Variants in PTX3 observed in about 807,000 individuals in gnomAD.
PTX3 encodes pentraxin 3.
A neutral mutation model predicts 23.5 loss-of-function variants in PTX3; 24 were observed. The ratio of observed to expected loss-of-function variants is 1.02; its 90% CI spans 0.74 to 1.43. The LOEUF is 1.43. Among genes scored for constraint, PTX3 ranks in the 40% most tolerant of loss-of-function variants. PTX3 has a pLI of 0.00. For missense variants in PTX3, 510 were observed against 497.5 expected, an observed-to-expected ratio of 1.02 and a Z score of -0.24; for synonymous variants, 218 against 205.4, an observed-to-expected ratio of 1.06 and a Z score of -0.53.
At position 157,437,914 on chromosome 3, in the gene PTX3, G is replaced by A; in HGVS notation, c.532G>A (p.Gly178Ser). The A allele has an allele frequency of 1.3e-6, 2 of 1,527,794 alleles. No individual in the cohort carries two copies. Among genetic ancestry groups the A allele is most frequent in the Admixed American group, 2.0e-5 (1 of 50,166 alleles). 94.6% of individuals were successfully genotyped at this position (1,527,794 alleles called of 1,614,324 possible). Residue 178 changes from glycine to serine, a missense_variant and splice_region_variant, in exon 2 of 3, where the codon GGT becomes AGT. Transcript: ENST00000295927. ...GGCTGCCCGGAGCTGGCTGCCGGCA[G>A]GTAAGGAGGCAAGCGGGGCCGGGAC... ...GWAARSWLPA[G>S]CETAILFPMR...
chr3:157,442,970 T>G lies in PTX3; in HGVS notation c.1137T>G (p.Tyr379Ter). 1 of 1,598,226 alleles carries G rather than the reference T, an allele frequency of 6.3e-7. No individual in the cohort carries two copies. Among genetic ancestry groups the G allele is most frequent in the South Asian group, 1.1e-5 (1 of 89,576 alleles). The change falls in exon 3 of 3, where the codon TAT becomes TAG. Residue 379 changes from tyrosine to a stop codon, truncating the protein, a stop_gained. Coordinates refer to ENST00000295927, the MANE Select transcript of PTX3 (RefSeq NM_002852.4). LOFTEE classifies it high-confidence loss of function. The part of the protein sequence containing the change: ...TEIQPHGGAQ[Y>*]VS ...TCCAGCCACATGGAGGAGCTCAGTA[T>G]GTTTCATAAATGTTGTGAAACTCCA...
chr3:157,442,666 A>C lies in PTX3; in HGVS notation c.833A>C (p.Glu278Ala), dbSNP rs1367508084. ...THLCGTWNSEEGLTSLWVNGE... is the reference protein window; with the variant it reads ...THLCGTWNSEAGLTSLWVNGE... ...CTGTGCGGCACCTGGAATTCAGAGG[A>C]AGGGCTCACATCCTTGTGGGTAAAT... The change falls in exon 3 of 3, where the codon GAA becomes GCA. Residue 278 changes from glutamate (E) to alanine (A), a missense_variant. Coordinates refer to ENST00000295927, the MANE Select transcript of PTX3 (RefSeq NM_002852.4). 1 of 1,614,072 alleles carries C rather than the reference A, an allele frequency of 6.2e-7. No homozygotes were observed. Among genetic ancestry groups the C allele is most frequent in the Non-Finnish European group, 8.5e-7 (1 of 1,180,048 alleles).
In PTX3 at chr3:157,437,810, A is replaced by T; in HGVS notation, c.428A>T (p.Glu143Val). Residue 143 changes from glutamate to valine, a missense_variant, in exon 2 of 3, where the codon GAG becomes GTG. Coordinates refer to ENST00000295927, the MANE Select transcript of PTX3 (RefSeq NM_002852.4). Reference sequence around the variant, plus strand: ...GAGGGCGCGGAGGCGCAGCGCCCAGAGGAGGCGGGGCGCGCCCTGGCCGCG... The same window carrying T: ...GAGGGCGCGGAGGCGCAGCGCCCAGTGGAGGCGGGGCGCGCCCTGGCCGCG... ...RMEGAEAQRPEEAGRALAAVL... is the reference protein window; with the variant it reads ...RMEGAEAQRPVEAGRALAAVL... The T allele has an allele frequency of 6.8e-7, 1 of 1,462,608 alleles. No individual in the cohort carries two copies. The highest frequency in any genetic ancestry group is 1.4e-5 in the South Asian group (1 of 73,790). 90.6% of individuals were successfully genotyped at this position (1,462,608 alleles called of 1,614,324 possible).
In PTX3 at chr3:157,436,915, A is replaced by T. The variant is rs969441673; in HGVS notation, c.-19A>T. 6 of 1,610,740 alleles carry T rather than the reference A, an allele frequency of 3.7e-6. No homozygotes were observed. In the East Asian group the frequency reaches 1.3e-4, roughly 36 times the overall value. Reference sequence around the variant, plus strand: ...TCTCCTCCCGCCAGCTGTGGAAAGAACTTTGCGTCTCTCCAGCAATGCATC... The same window carrying T: ...TCTCCTCCCGCCAGCTGTGGAAAGATCTTTGCGTCTCTCCAGCAATGCATC... On this transcript the variant is annotated 5_prime_UTR_variant, in exon 1 of 3. Coordinates refer to ENST00000295927, the MANE Select transcript of PTX3 (RefSeq NM_002852.4).
rs145939134 is a variant in PTX3, at chr3:157,440,963, A to AG, written c.533-1401dup. On this transcript the variant is annotated intron_variant, in intron 2 of 2. Transcript: ENST00000295927. The stretch of plus-strand genomic sequence containing the variant: ...AATAGTAATTATAAGCATGTGGACA[A>AG]GGTAGAATTTTTAAACACATTTTTG... Among the ~76,000 whole-genome samples the AG allele has an allele frequency of 9.0e-3, 1,370 of 152,316 alleles. 20 individuals carry two copies. Among genetic ancestry groups the AG allele is most frequent in the East Asian group, 0.036 (189 of 5,188 alleles).
intron 2 of PTX3, 43 bp from the exon 3 acceptor site, chr3:157,442,323 T>C (rs371415794): frequency 9.7e-6 from 14 of 1,440,080 alleles, no homozygotes; most frequent in South Asian, 1.3e-5. Context: ...CTGAATTAAT[T>C]TATATTTTCT....
At chr3:157,437,365 C>A in intron 1 of PTX3, 148 bp from the exon 2 acceptor site, 3 of 988,470 alleles carry the variant, frequency 3.0e-6, no homozygotes, top group Non-Finnish European at 4.5e-6. Context: ...GAGACATTTA[C>A]ATGCTGTTTT....
Position 157,437,520 on chromosome 3 carries a change from G to T in PTX3, c.138G>T (p.Pro46=), listed in dbSNP as rs771838445. 2.5e-6 allele frequency: 4 copies of T among 1,605,382 alleles called. No homozygotes were observed. The East Asian group carries it at 9.0e-5, about 36-fold the overall frequency. The change falls in exon 2 of 3, where the codon CCG becomes CCT. Residue 46 remains proline, a synonymous_variant. Transcript: ENST00000295927. ...NGLHPTEDPT[P]CACGQEHSEW... is the part of the protein sequence containing the mutation. ...GTGTATCCCGTACTCTAGCCACGCC[G>T]TGCGCCTGCGGTCAGGAGCACTCGG...
chr3:157,440,584 A>G (rs902297250), intron 2 of PTX3, among the ~76,000 whole-genome samples: 1 of 152,102 alleles, frequency 6.6e-6, no homozygotes, highest in African/African-American at 2.4e-5. Context: ...CTACATACAC[A>G]TACACACATA....
intron 2 of PTX3, among the ~76,000 whole-genome samples, chr3:157,440,002 A>G (rs1004908351): frequency 3.3e-5 from 5 of 152,150 alleles, no homozygotes; most frequent in African/African-American, 9.7e-5. Context: ...CACCCGCCTC[A>G]GCCTCCCAAA....
At position 157,438,037 on chromosome 3, in the gene PTX3, GCACACA is replaced by G. The variant is rs781700719; in HGVS notation, c.532+153_532+158del. On this transcript the variant is annotated intron_variant, in intron 2 of 2. Coordinates refer to ENST00000295927, the MANE Select transcript of PTX3 (RefSeq NM_002852.4). ...TCATGGGAAGCGCGCGCGCGCGCGCGCACACACACACACACACACACACACACACAC... is the reference window on the plus strand; with the variant it reads ...TCATGGGAAGCGCGCGCGCGCGCGCGCACACACACACACACACACACACAC... 589 of 515,922 alleles carry G rather than the reference GCACACA, an allele frequency of 1.1e-3. No individual in the cohort carries two copies. In the Middle Eastern group the frequency reaches 0.014, roughly 12 times the overall value. The allele number at this position is 515,922 out of a possible 1,614,324, so 32.0% of individuals were successfully genotyped here.
At position 157,443,054 on chromosome 3, in the gene PTX3, A is replaced by G; in HGVS notation, c.*75A>G. Reference sequence around the variant, plus strand: ...CACATGCCAGTTGGGAAGGTCTGAAAACTCAGTGCATAATAGGAACACTTG... The same window carrying G: ...CACATGCCAGTTGGGAAGGTCTGAAGACTCAGTGCATAATAGGAACACTTG... On this transcript the variant is annotated 3_prime_UTR_variant, in exon 3 of 3. Coordinates refer to ENST00000295927, the MANE Select transcript of PTX3 (RefSeq NM_002852.4). 2 of 1,499,206 alleles carry G rather than the reference A, an allele frequency of 1.3e-6. No homozygotes were observed. Among genetic ancestry groups the G allele is most frequent in the Non-Finnish European group, 1.8e-6 (2 of 1,118,076 alleles). The allele number at this position is 1,499,206 out of a possible 1,614,324, so 92.9% of individuals were successfully genotyped here. A position where few individuals can be genotyped will look rare whatever the true frequency, so the allele number is the denominator to read the frequency against.
In PTX3 at chr3:157,437,814, G is replaced by A. The variant is rs765405623; in HGVS notation, c.432G>A (p.Glu144=). ...MEGAEAQRPE[E]AGRALAAVLE... ...GCGCGGAGGCGCAGCGCCCAGAGGA[G>A]GCGGGGCGCGCCCTGGCCGCGGTGC... Residue 144 remains glutamate, a synonymous_variant, in exon 2 of 3, where the codon GAG becomes GAA. Coordinates refer to ENST00000295927, the MANE Select transcript of PTX3 (RefSeq NM_002852.4). 3 of 1,462,782 alleles carry A rather than the reference G, an allele frequency of 2.1e-6. No homozygotes were observed. Among genetic ancestry groups the A allele is most frequent in the African/African-American group, 3.0e-5 (2 of 67,044 alleles). The allele number at this position is 1,462,782 out of a possible 1,614,324, so 90.6% of individuals were successfully genotyped here.
Position 157,443,485 on chromosome 3 carries a change from T to C in PTX3, c.*506T>C, listed in dbSNP as rs1371049500. ...TTATGTGTTATAATCGAATGTCACG[T>C]TTTTGAGAAGATAGTCATATAAGTT... On this transcript the variant is annotated 3_prime_UTR_variant, in exon 3 of 3. Coordinates refer to ENST00000295927, the MANE Select transcript of PTX3 (RefSeq NM_002852.4). 1 of 153,156 alleles carries C rather than the reference T, an allele frequency of 6.5e-6. No homozygotes were observed. The highest frequency in any genetic ancestry group is 2.4e-5 in the African/African-American group (1 of 41,448). The allele number at this position is 153,156 out of a possible 1,614,324, so 9.5% of individuals were successfully genotyped here.
In PTX3 at chr3:157,437,883, G is replaced by C. The variant is rs1407917766; in HGVS notation, c.501G>C (p.Gln167His). 2.0e-6 allele frequency: 3 copies of C among 1,519,266 alleles called. No homozygotes were observed. The highest frequency in any genetic ancestry group is 1.2e-5 in the South Asian group (1 of 82,898). The allele number at this position is 1,519,266 out of a possible 1,614,324, so 94.1% of individuals were successfully genotyped here. ...CGCGAGCCGACCTGCACGCGGTGCA[G>C]GGCTGGGCTGCCCGGAGCTGGCTGC... is the stretch of plus-strand genomic sequence containing the variant. ...RQTRADLHAV[Q>H]GWAARSWLPA... Residue 167 changes from glutamine (Q) to histidine (H), a missense_variant, in exon 2 of 3, where the codon CAG (glutamine) becomes CAC (histidine). Coordinates refer to ENST00000295927, the MANE Select transcript of PTX3 (RefSeq NM_002852.4).
chr3:157,440,106 AT>A (rs1201850036), intron 2 of PTX3, among the ~76,000 whole-genome samples: 1 of 152,068 alleles, frequency 6.6e-6, no homozygotes, highest in Non-Finnish European at 1.5e-5. Flanking sequence ...TTTTTCAGTG[AT>A]TTTTATTTGA....
At chr3:157,440,563 T>TA (rs1049520882) in intron 2 of PTX3, among the ~76,000 whole-genome samples, 3 of 152,024 alleles carry the variant, frequency 2.0e-5, no homozygotes, top group Admixed American at 2.0e-4. Context: ...TAGGTGTTTT[T>TA]AAAAAAATAC....
At position 157,437,580 on chromosome 3, in the gene PTX3, G is replaced by T. The variant is rs1307706117; in HGVS notation, c.198G>T (p.Ser66=). The T allele has an allele frequency of 6.3e-7, 1 of 1,592,164 alleles. No individual in the cohort carries two copies. Among genetic ancestry groups the T allele is most frequent in the African/African-American group, 1.3e-5 (1 of 74,470 alleles). Residue 66 remains serine, a synonymous_variant, in exon 2 of 3, where the codon TCG becomes TCT. Transcript: ENST00000295927. ...AGCTCTTCATCATGCTGGAGAACTC[G>T]CAGATGAGAGAGCGCATGCTGCTGC... ...WDKLFIMLEN[S]QMRERMLLQA...
rs1235736216 is a variant in PTX3, at chr3:157,436,890, T to A, written c.-44T>A. ...CGCTCAAACTCAGCTCACTTGAGAG[T>A]CTCCTCCCGCCAGCTGTGGAAAGAA... On this transcript the variant is annotated 5_prime_UTR_variant, in exon 1 of 3. Transcript: ENST00000295927. The A allele has an allele frequency of 1.9e-6, 3 of 1,600,892 alleles. No individual in the cohort carries two copies.
Sources: gnomAD v4.1 joint callset for allele counts (sites outside exome capture counted in the v4.1 genomes callset) on GRCh38, gnomAD v4.1.1 for gene constraint, MANE v1.5 for transcripts, NCBI Gene and HGNC (gene_info 2026-07-23, HGNC 2026-07-21) for gene names.